Variants in DARS1 observed in about 807,000 individuals in gnomAD.
DARS1 encodes the protein aspartyl-tRNA synthetase 1, also known as aspartate--tRNA ligase, cytoplasmic.
Under a neutral mutation model 68.8 loss-of-function variants are expected in DARS1, and 51 were observed. The ratio of observed to expected loss-of-function variants is 0.74; its 90% confidence interval spans 0.59 to 0.94. The LOEUF is 0.94. DARS1 is among the 40% of genes least tolerant of loss of function. The probability of loss-of-function intolerance (pLI) is 0.00; values close to 1 mark genes in which losing one functional copy is unlikely to be tolerated. For synonymous variants in DARS1, 203 were observed against 190.4 expected, an observed-to-expected ratio of 1.07 and a Z score of -0.55; for missense variants, 607 against 597.3, an observed-to-expected ratio of 1.02 and a Z score of -0.17.
chr2:135,916,184 G>C (rs1207969334), intron 11 of DARS1, 42 bp downstream of exon 11: 2 of 1,231,780 alleles, frequency 1.6e-6, no homozygotes, highest in African/African-American at 1.5e-5. Context: ...TCTGCACATG[G>C]ATCCTGGAAC....
chr2:135,931,564 G>A (rs576521119), intron 7 of DARS1, among the ~76,000 whole-genome samples: 1 of 152,072 alleles, frequency 6.6e-6, no homozygotes, highest in Non-Finnish European at 1.5e-5. Context: ...AGGAAACGAA[G>A]GTGCTTAAAA....
rs376955037 is a variant in DARS1, at chr2:135,932,745, G to A, written c.564+38C>T. ...TGGTATCCCTGCCCCTCTCTAATGC[G>A]GCATAATTGCTTCACTTAATAAATA... On this transcript the variant is annotated intron_variant, in intron 7 of 15. Coordinates refer to ENST00000264161, the MANE Select transcript of DARS1 (RefSeq NM_001349.4). The A allele has an allele frequency of 1.2e-5, 11 of 916,046 alleles. 1 individual carries two copies. Among genetic ancestry groups the A allele is most frequent in the Middle Eastern group, 4.3e-4 (2 of 4,618 alleles). The allele number at this position is 916,046 out of a possible 1,614,324, so 56.7% of individuals were successfully genotyped here.
chr2:135,977,419 C>A (rs1437104335), intron 3 of DARS1, among the ~76,000 whole-genome samples: 1 of 152,086 alleles, frequency 6.6e-6, no homozygotes, highest in African/African-American at 2.4e-5. Context: ...ACATGGCAGT[C>A]GTAAAATAAA....
rs147077598 is a variant in DARS1 at position 135,907,342 on chromosome 2, G to C, written c.1480C>G (p.Arg494Gly). The part of the protein sequence containing the change: ...HNVRQTSMFP[R>G]DPKRLTP ...TAAGGAGTGAGTCGTTTGGGATCAC[G>C]AGGGAACATGGAGGTCTGACGAACA... Residue 494 changes from arginine to glycine, a missense_variant, in exon 16 of 16, where the codon CGT (arginine) becomes GGT (glycine). Transcript: ENST00000264161. 91 of 1,587,118 alleles carry C rather than the reference G, an allele frequency of 5.7e-5. No homozygotes were observed. The highest frequency in any genetic ancestry group is 7.6e-5 in the Non-Finnish European group (89 of 1,164,748).
chr2:135,945,663 TA>T lies in DARS1; in HGVS notation c.321-2184del, dbSNP rs1394196190. On this transcript the variant is annotated intron_variant, in intron 4 of 15. Transcript: ENST00000264161. ...TTCGTAGTACTGAGTGCTAAAATAT[TA>T]GATCAGCTAGTCTAGAAAACAACTA... 2.0e-5 allele frequency among the ~76,000 whole-genome samples: 3 copies of T among 152,352 alleles called. No individual in the cohort carries two copies. In the East Asian group the frequency reaches 5.8e-4, roughly 29 times the overall value.
chr2:135,930,285 T>C (rs977338562), intron 7 of DARS1, among the ~76,000 whole-genome samples: 5 of 152,214 alleles, frequency 3.3e-5, no homozygotes, highest in Admixed American at 1.3e-4. Context: ...AGGGGCTATT[T>C]GATAGTGTGA....
intron 5 of DARS1, among the ~76,000 whole-genome samples, chr2:135,937,714 T>C (rs1419498985): frequency 6.6e-6 from 1 of 152,190 alleles, no homozygotes; most frequent in African/African-American, 2.4e-5. Flanking sequence ...AGCATTTGCT[T>C]GTCTGTAAAG....
intron 7 of DARS1, among the ~76,000 whole-genome samples, chr2:135,926,484 C>A (rs1055858464): frequency 5.9e-5 from 9 of 152,048 alleles, no homozygotes; most frequent in Non-Finnish European, 1.3e-4. Context: ...TCTAATACAT[C>A]CTAATTTCCA....
chr2:135,950,107 A>G (rs1681809760), intron 4 of DARS1, among the ~76,000 whole-genome samples: 1 of 152,198 alleles, frequency 6.6e-6, no homozygotes, highest in Non-Finnish European at 1.5e-5. Flanking sequence ...GAGGGAATAG[A>G]GTTAAATATA....
At chr2:135,934,896 G>A (rs1681433828) in intron 5 of DARS1, among the ~76,000 whole-genome samples, 1 of 150,630 alleles carries the variant, frequency 6.6e-6, no homozygotes, top group Non-Finnish European at 1.5e-5. Flanking sequence ...CCGGGTTCAA[G>A]CGATTCTCCC....
chr2:135,926,471 A>C (rs1442436844), intron 7 of DARS1, among the ~76,000 whole-genome samples: 2 of 152,184 alleles, frequency 1.3e-5, no homozygotes, highest in Non-Finnish European at 2.9e-5. Context: ...TTCACATGAC[A>C]ATTCTAATAC....
chr2:135,947,187 C>T (rs1681743690), intron 4 of DARS1, among the ~76,000 whole-genome samples: 1 of 152,018 alleles, frequency 6.6e-6, no homozygotes, highest in African/African-American at 2.4e-5. Context: ...GGGTGGATGA[C>T]CTGAGGTCAG....
Position 135,906,486 on chromosome 2 carries a change from C to T in DARS1, c.*830G>A, listed in dbSNP as rs1056057672. On this transcript the variant is annotated 3_prime_UTR_variant, in exon 16 of 16. Transcript: ENST00000264161. ...TTAACCCATGTGAAATGAACTCTGT[C>T]AACCGACCCAAGCTGTCAACTTTAA... 6.6e-6 allele frequency among the ~76,000 whole-genome samples: 1 copy of T among 152,170 alleles called. No homozygotes were observed. Among genetic ancestry groups the T allele is most frequent in the Non-Finnish European group, 1.5e-5 (1 of 68,014 alleles).
intron 4 of DARS1, among the ~76,000 whole-genome samples, chr2:135,951,520 C>T (rs1224691998): frequency 6.6e-6 from 1 of 152,188 alleles, no homozygotes; most frequent in African/African-American, 2.4e-5. Context: ...TACAGTTTTG[C>T]TATAAAGCTT....
chr2:135,969,203 G>C (rs995489313), intron 3 of DARS1, among the ~76,000 whole-genome samples: 1 of 82,696 alleles, frequency 1.2e-5, no homozygotes, highest in African/African-American at 4.6e-5. Flanking sequence ...TATCATGGAA[G>C]GGTTTCCAAG....
chr2:135,924,540 A>G lies in DARS1; in HGVS notation c.565-42T>C, dbSNP rs1681174474. 5 of 1,580,168 alleles carry G rather than the reference A, an allele frequency of 3.2e-6. No individual in the cohort carries two copies. In the Admixed American group the frequency reaches 9.6e-5, roughly 30 times the overall value. On this transcript the variant is annotated intron_variant, in intron 7 of 15. Coordinates refer to ENST00000264161, the MANE Select transcript of DARS1 (RefSeq NM_001349.4). ...AAATCTAATTAAATCAACGTACTTAATTACTAAGCACTAACTCTGTGGGCT... is the reference window on the plus strand; with the variant it reads ...AAATCTAATTAAATCAACGTACTTAGTTACTAAGCACTAACTCTGTGGGCT...
chr2:135,984,971 A>G (rs1026138554), intron 1 of DARS1, among the ~76,000 whole-genome samples: 7 of 152,252 alleles, frequency 4.6e-5, no homozygotes. Context: ...ATATTGGCAG[A>G]TGGTTTTGCT....
At chr2:135,917,478 A>AT (rs924498461) in intron 10 of DARS1, among the ~76,000 whole-genome samples, 4 of 151,822 alleles carry the variant, frequency 2.6e-5, no homozygotes, top group Admixed American at 6.6e-5. Context: ...TTCTATTTTT[A>AT]TTTTTTTTAA....
intron 4 of DARS1, among the ~76,000 whole-genome samples, chr2:135,959,842 C>T (rs1682063063): frequency 6.6e-6 from 1 of 152,170 alleles, no homozygotes; most frequent in Admixed American, 6.5e-5. Context: ...AAAATATATT[C>T]TCTATGTAAC....
Sources: gnomAD v4.1 joint callset for allele counts (sites outside exome capture counted in the v4.1 genomes callset) on GRCh38, gnomAD v4.1.1 for gene constraint, MANE v1.5 for transcripts, NCBI Gene and HGNC (gene_info 2026-07-23, HGNC 2026-07-21) for gene names.